The following TYW1 variants were observed in gnomAD, a reference collection of about 807,000 sequenced individuals.
The protein encoded by TYW1 is tRNA-yW synthesizing protein 1 homolog, also known as S-adenosyl-L-methionine-dependent tRNA 4-demethylwyosine synthase TYW1.
A neutral mutation model predicts 96.2 loss-of-function variants in TYW1; 46 were observed. The observed-to-expected ratio is 0.48, with a 90% CI of 0.38 to 0.61. The LOEUF is 0.61. TYW1 is among the 20% of genes least tolerant of loss of function. TYW1 has a pLI of 0.00. For synonymous variants in TYW1, 274 were observed against 323.0 expected, an observed-to-expected ratio of 0.85 and a Z score of 1.63; for missense variants, 684 against 909.6, an observed-to-expected ratio of 0.75 and a Z score of 3.19.
chr7:67,163,604 T>G (rs1799228516), intron 13 of TYW1, among the ~76,000 whole-genome samples: 1 of 152,134 alleles, frequency 6.6e-6, no homozygotes, highest in Admixed American at 6.5e-5. Context: ...TCTTCTTAGG[T>G]TCTACTGAAC....
chr7:67,023,395 C>T (rs1794344867), intron 6 of TYW1, among the ~76,000 whole-genome samples: 1 of 152,064 alleles, frequency 6.6e-6, no homozygotes, highest in Non-Finnish European at 1.5e-5. Flanking sequence ...CTGTGTCCGG[C>T]CCGTTTCTTT....
chr7:67,099,779 G>T (rs778579117), intron 12 of TYW1, among the ~76,000 whole-genome samples: 4 of 152,192 alleles, frequency 2.6e-5, no homozygotes, highest in Admixed American at 6.6e-5. Flanking sequence ...GAGGCCGGTG[G>T]ATCACCTGAG....
At chr7:67,067,014 T>TAACATTTGAAG (rs1237292167) in intron 9 of TYW1, 1 of 459,118 alleles carries the variant, frequency 2.2e-6, no homozygotes, top group Non-Finnish European at 4.0e-6. Flanking sequence ...TGAAGGAGTC[T>TAACATTTGAAG]GATGGATTTG....
chr7:67,008,279 G>C (rs559662787), intron 3 of TYW1, among the ~76,000 whole-genome samples: 13 of 152,162 alleles, frequency 8.5e-5, no homozygotes, highest in Non-Finnish European at 1.6e-4. Flanking sequence ...AGTCTCCATT[G>C]TTCAGGGGTT....
In TYW1 at chr7:67,195,158, C is replaced by G. The variant is rs1306229922; in HGVS notation, c.1810-12C>G. ...TCTGTAGTCATCTCTGATGGTTATA[C>G]TGTTTCCACAGGGCGTTACCTACTG... On this transcript the variant is annotated splice_polypyrimidine_tract_variant and intron_variant, in intron 14 of 15. Coordinates refer to ENST00000359626, the MANE Select transcript of TYW1 (RefSeq NM_018264.4). 3 of 1,613,190 alleles carry G rather than the reference C, an allele frequency of 1.9e-6. No homozygotes were observed. Among genetic ancestry groups the G allele is most frequent in the Non-Finnish European group, 1.7e-6 (2 of 1,179,574 alleles).
intron 15 of TYW1, among the ~76,000 whole-genome samples, chr7:67,226,825 G>A (rs1801574395): frequency 6.6e-6 from 1 of 151,904 alleles, no homozygotes; most frequent in Non-Finnish European, 1.5e-5. Flanking sequence ...TCCCTCAGAC[G>A]ACCCCTGGAC....
intron 13 of TYW1, among the ~76,000 whole-genome samples, chr7:67,175,110 C>G (rs1208616239): frequency 1.3e-5 from 2 of 151,940 alleles, no homozygotes; most frequent in Non-Finnish European, 2.9e-5. Context: ...TAACACCAAC[C>G]CTACACAACT....
At chr7:67,222,183 C>G (rs967925369) in intron 15 of TYW1, among the ~76,000 whole-genome samples, 6 of 151,754 alleles carry the variant, frequency 4.0e-5, no homozygotes, top group Non-Finnish European at 1.5e-5. Flanking sequence ...GGCAACAGAG[C>G]GAGACTCCAT....
chr7:67,127,809 A>G (rs969329578), intron 13 of TYW1, among the ~76,000 whole-genome samples: 1 of 152,016 alleles, frequency 6.6e-6, no homozygotes, highest in Admixed American at 6.6e-5. Context: ...GTGTTGAAGG[A>G]CATTTTCATA....
chr7:67,059,993 G>A (rs1440918096), intron 9 of TYW1, among the ~76,000 whole-genome samples: 4 of 151,708 alleles, frequency 2.6e-5, no homozygotes, highest in African/African-American at 2.4e-5. Flanking sequence ...GGCTGGTCTC[G>A]AACTCTTGAT....
chr7:67,228,307 C>T (rs367792239), intron 15 of TYW1, among the ~76,000 whole-genome samples: 27 of 152,264 alleles, frequency 1.8e-4, no homozygotes, highest in African/African-American at 6.0e-4. Context: ...TGGAGGCAGA[C>T]AAGAGAAGAG....
intron 9 of TYW1, among the ~76,000 whole-genome samples, chr7:67,057,374 GT>G (rs1281847034): frequency 5.3e-4 from 73 of 138,734 alleles, no homozygotes; most frequent in South Asian, 2.1e-3. Context: ...CATTTTTTTT[GT>G]TTTTTTTTTT....
rs201275859 is a variant in TYW1, at chr7:67,105,856, C to CAAAGA, written c.1562+7140_1562+7144dup. 2.2e-4 allele frequency among the ~76,000 whole-genome samples: 31 copies of CAAAGA among 141,996 alleles called. No homozygotes were observed. In the East Asian group the frequency reaches 6.0e-3, roughly 27 times the overall value. 93.2% of individuals were successfully genotyped at this position (141,996 alleles called of 152,430 possible). On this transcript the variant is annotated intron_variant, in intron 12 of 15. Coordinates refer to ENST00000359626, the MANE Select transcript of TYW1 (RefSeq NM_018264.4). ...CATATGCAGTCTGCATTTTGGTACA[C>CAAAGA]AAAGAACTTTTGAGAGAGGAGAGAA...
intron 7 of TYW1, among the ~76,000 whole-genome samples, chr7:67,038,189 A>G (rs977912607): frequency 3.9e-5 from 6 of 152,078 alleles, no homozygotes; most frequent in African/African-American, 9.7e-5. Context: ...TGTAGTCCCA[A>G]CTACTCAGGA....
intron 13 of TYW1, among the ~76,000 whole-genome samples, chr7:67,153,776 A>G (rs1466055032): frequency 6.6e-6 from 1 of 152,208 alleles, no homozygotes; most frequent in African/African-American, 2.4e-5. Context: ...AAATTGAATC[A>G]TGCTTTGCAT....
At chr7:67,176,864 A>G (rs78452370) in intron 13 of TYW1, among the ~76,000 whole-genome samples, 1 of 151,624 alleles carries the variant, frequency 6.6e-6, no homozygotes, top group Admixed American at 6.6e-5. Context: ...TGTCCCGTGC[A>G]TTGTAGGATA....
intron 11 of TYW1, among the ~76,000 whole-genome samples, chr7:67,093,998 C>T (rs1460825447): frequency 6.6e-6 from 1 of 152,178 alleles, no homozygotes; most frequent in Non-Finnish European, 1.5e-5. Context: ...ACTCTCACCC[C>T]GTCCCATCCT....
intron 13 of TYW1, among the ~76,000 whole-genome samples, chr7:67,124,255 A>G (rs543183575): frequency 4.6e-5 from 7 of 152,272 alleles, no homozygotes; most frequent in Non-Finnish European, 5.9e-5. Context: ...AACTATATAT[A>G]TGTTATTAAT....
intron 10 of TYW1, among the ~76,000 whole-genome samples, chr7:67,077,199 A>G (rs563337982): frequency 6.6e-6 from 1 of 152,368 alleles, no homozygotes; most frequent in South Asian, 2.1e-4. Context: ...TAGTGCTGCC[A>G]TAAGCATGAG....
Sources: gnomAD v4.1 joint callset for allele counts (sites outside exome capture counted in the v4.1 genomes callset) on GRCh38, gnomAD v4.1.1 for gene constraint, MANE v1.5 for transcripts, NCBI Gene and HGNC (gene_info 2026-07-23, HGNC 2026-07-21) for gene names.